RAPGEF5: variants seen among roughly 807,000 people sequenced by gnomAD.
The protein encoded by RAPGEF5 is M-Ras-regulated GEF.
In RAPGEF5, 65 loss-of-function variants were observed where a neutral mutation model predicts 125.2. That is an observed-to-expected ratio of 0.52 (90% CI 0.43 to 0.64). RAPGEF5 has a LOEUF of 0.64. Among genes scored for constraint, RAPGEF5 ranks in the 30% least tolerant of loss-of-function variants. RAPGEF5 has a pLI of 0.00. For synonymous variants in RAPGEF5, 391 were observed against 385.9 expected (o/e 1.01, Z -0.16); for missense variants, 958 against 1,048.1 (o/e 0.91, Z 1.19).
chr7:22,157,366 A>C (rs1783843203), intron 15 of RAPGEF5, among the ~76,000 whole-genome samples: 1 of 152,218 alleles, frequency 6.6e-6, no homozygotes, highest in Non-Finnish European at 1.5e-5. Flanking sequence ...TCCACCTGAT[A>C]TAGCTGTGTC....
intron 1 of RAPGEF5, among the ~76,000 whole-genome samples, chr7:22,330,211 G>A (rs1021527602): frequency 6.6e-6 from 1 of 152,220 alleles, no homozygotes; most frequent in African/African-American, 2.4e-5. Context: ...TGCAGTTATG[G>A]ATGGGGGAAA....
intron 11 of RAPGEF5, among the ~76,000 whole-genome samples, chr7:22,186,954 T>G (rs974779255): frequency 3.3e-5 from 5 of 152,212 alleles, no homozygotes; most frequent in Non-Finnish European, 7.3e-5. Flanking sequence ...ATGGCATAAT[T>G]TCTCAAAGGA....
intron 1 of RAPGEF5, among the ~76,000 whole-genome samples, chr7:22,340,676 G>C (rs1472569184): frequency 1.3e-5 from 2 of 152,200 alleles, no homozygotes; most frequent in African/African-American, 4.8e-5. Context: ...TCCCTGACCA[G>C]GGCTTGGATT....
chr7:22,193,337 T>C (rs1420889376), intron 11 of RAPGEF5, 30 bp downstream of exon 11: 1 of 1,556,874 alleles, frequency 6.4e-7, no homozygotes, highest in East Asian at 2.4e-5. Flanking sequence ...CTGCTATCAG[T>C]CTGGAAGCAT....
intron 20 of RAPGEF5, among the ~76,000 whole-genome samples, chr7:22,141,793 T>A (rs1170884561): frequency 6.6e-6 from 1 of 152,192 alleles, no homozygotes; most frequent in East Asian, 1.9e-4. Context: ...TGAGGCCCTG[T>A]ACCTTCATCC....
intron 23 of RAPGEF5, 41 bp from the exon 24 acceptor site, chr7:22,131,142 TG>T: frequency 6.6e-7 from 1 of 1,505,416 alleles, no homozygotes; most frequent in Non-Finnish European, 8.9e-7. Flanking sequence ...TCATTAGGAA[TG>T]GATCATGAGT....
chr7:22,223,413 G>GT (rs1350318382), intron 8 of RAPGEF5, among the ~76,000 whole-genome samples: 1 of 152,172 alleles, frequency 6.6e-6, no homozygotes, highest in Admixed American at 6.5e-5. Context: ...CTTTATTAAC[G>GT]TGAGTTCAAC....
At chr7:22,125,090 A>G (rs1312879773) in intron 25 of RAPGEF5, 1 of 152,850 alleles carries the variant, frequency 6.5e-6, no homozygotes, top group African/African-American at 2.4e-5. Context: ...GGATTCTACA[A>G]AAGTGCTCAG....
chr7:22,247,346 C>T (rs1407575461), intron 7 of RAPGEF5, among the ~76,000 whole-genome samples: 1 of 152,164 alleles, frequency 6.6e-6, no homozygotes, highest in Non-Finnish European at 1.5e-5. Flanking sequence ...CATCCCCACC[C>T]AAATCTCATC....
intron 7 of RAPGEF5, among the ~76,000 whole-genome samples, chr7:22,239,611 T>C (rs1411763462): frequency 6.6e-6 from 1 of 151,628 alleles, no homozygotes; most frequent in Admixed American, 6.6e-5. Context: ...CAGAGAGGAC[T>C]CCATTTCAAC....
chr7:22,203,203 A>G (rs1785319465), intron 9 of RAPGEF5, among the ~76,000 whole-genome samples: 1 of 152,130 alleles, frequency 6.6e-6, no homozygotes, highest in Non-Finnish European at 1.5e-5. Context: ...AGGAGGTTCC[A>G]AGCCCCTCTG....
At chr7:22,252,243 C>T (rs892731948) in intron 7 of RAPGEF5, among the ~76,000 whole-genome samples, 4 of 152,196 alleles carry the variant, frequency 2.6e-5, no homozygotes, top group East Asian at 1.9e-4. Context: ...CAAGACCAGA[C>T]AGTAACCTGC....
At chr7:22,289,194 T>A (rs1280372546) in intron 6 of RAPGEF5, among the ~76,000 whole-genome samples, 1 of 152,266 alleles carries the variant, frequency 6.6e-6, no homozygotes, top group Non-Finnish European at 1.5e-5. Context: ...ATTAGCCTTC[T>A]GAATATATCT....
intron 5 of RAPGEF5, among the ~76,000 whole-genome samples, chr7:22,301,523 G>C (rs1321475127): frequency 6.6e-6 from 1 of 151,350 alleles, no homozygotes; most frequent in East Asian, 1.9e-4. Flanking sequence ...GCTGCGGCAG[G>C]AGAATGGCGT....
chr7:22,336,300 T>C (rs1440115778), intron 1 of RAPGEF5, among the ~76,000 whole-genome samples: 1 of 152,162 alleles, frequency 6.6e-6, no homozygotes, highest in Non-Finnish European at 1.5e-5. Flanking sequence ...AAACCATGTA[T>C]CTACTACATG....
intron 19 of RAPGEF5, 150 bp downstream of exon 19, chr7:22,146,747 G>T: frequency 1.0e-6 from 1 of 1,001,588 alleles, no homozygotes; most frequent in Non-Finnish European, 1.4e-6. Context: ...TTTTAGAATT[G>T]AGTCAGTCTT....
chr7:22,229,641 G>A (rs1230041991), intron 8 of RAPGEF5, among the ~76,000 whole-genome samples: 1 of 152,060 alleles, frequency 6.6e-6, no homozygotes, highest in Non-Finnish European at 1.5e-5. Context: ...AGCTCACCTC[G>A]CATGACTTGA....
chr7:22,127,483 C>T (rs1473261697), intron 24 of RAPGEF5, among the ~76,000 whole-genome samples: 1 of 152,190 alleles, frequency 6.6e-6, no homozygotes, highest in African/African-American at 2.4e-5. Flanking sequence ...ACGTATATGC[C>T]ATAAGAGGAA....
Position 22,156,847 on chromosome 7 carries a change from C to G in RAPGEF5, c.1599G>C (p.Trp533Cys), listed in dbSNP as rs1323230006. Residue 533 changes from tryptophan to cysteine, a missense_variant, in exon 16 of 26, where the codon TGG (tryptophan) becomes TGC (cysteine). Trp to Cys is a radical substitution (Grantham distance 215). Transcript: ENST00000665637. ...CAGTCACAGTTCCTCTATGCTGGAG[C>G]CAGTTCTCCTTAAGACTGAATTGGT... is the stretch of plus-strand genomic sequence containing the variant. ...LFHQFSLKENWLQHRGTVTET... is the reference protein window; with the variant it reads ...LFHQFSLKENCLQHRGTVTET... 6.2e-7 allele frequency: 1 copy of G among 1,613,936 alleles called. No individual in the cohort carries two copies. Among genetic ancestry groups the G allele is most frequent in the South Asian group, 1.1e-5 (1 of 91,072 alleles).
Sources: allele counts gnomAD v4.1 joint callset (sites outside exome capture counted in the v4.1 genomes callset), GRCh38; gene constraint gnomAD v4.1.1; transcripts MANE v1.5; gene names NCBI Gene and HGNC (gene_info 2026-07-23, HGNC 2026-07-21).